Variants in CELF2 observed in about 807,000 individuals in gnomAD.
CELF2 encodes CUGBP Elav-like family member 2, also known as CUG triplet repeat RNA-binding protein 2.
A neutral mutation model predicts 62.6 loss-of-function variants in CELF2; 8 were observed. That is an observed-to-expected ratio of 0.13 (90% CI 0.07 to 0.23). The LOEUF is 0.23. CELF2 is among the 10% of genes least tolerant of loss of function. The pLI is 1.00. For synonymous variants in CELF2, 258 were observed against 250.0 expected (o/e 1.03, Z -0.30); for missense variants, 333 against 671.0 (o/e 0.50, Z 5.56).
the CELF2 span, among the ~76,000 whole-genome samples, chr10:10,473,508 T>C: frequency 6.6e-6 from 1 of 152,056 alleles, no homozygotes; most frequent in African/African-American, 2.4e-5. Context: ...TATTGTTACA[T>C]ATACCCTTAG....
intron 2 of CELF2, among the ~76,000 whole-genome samples, chr10:11,194,639 C>G (rs1169261796): frequency 1.3e-5 from 2 of 152,140 alleles, no homozygotes; most frequent in Non-Finnish European, 2.9e-5. Context: ...TAGCCCTCCC[C>G]ATTTTGGTTA....
At chr10:10,639,666 A>G in the CELF2 span, among the ~76,000 whole-genome samples, 1 of 152,238 alleles carries the variant, frequency 6.6e-6, no homozygotes, top group Non-Finnish European at 1.5e-5. Flanking sequence ...TCCCTGATCA[A>G]TATCTAATAA....
chr10:10,812,906 G>A (rs1176318451), intron 1 of CELF2, among the ~76,000 whole-genome samples: 1 of 152,140 alleles, frequency 6.6e-6, no homozygotes, highest in Non-Finnish European at 1.5e-5. Context: ...GTGTTTGGAT[G>A]GAAACCCACA....
intron 1 of CELF2, among the ~76,000 whole-genome samples, chr10:10,867,645 C>T (rs1416919880): frequency 6.6e-6 from 1 of 152,186 alleles, no homozygotes; most frequent in Non-Finnish European, 1.5e-5. Context: ...GCCATGCCTT[C>T]AACTCCTGCC....
the CELF2 span, among the ~76,000 whole-genome samples, chr10:10,546,961 G>T: frequency 6.6e-6 from 1 of 151,986 alleles, no homozygotes; most frequent in Non-Finnish European, 1.5e-5. Flanking sequence ...ACAAAAATTA[G>T]CTGGGCATGG....
the CELF2 span, among the ~76,000 whole-genome samples, chr10:10,772,127 A>G: frequency 1.3e-5 from 2 of 152,206 alleles, no homozygotes; most frequent in Non-Finnish European, 2.9e-5. Flanking sequence ...GGTAGATTGT[A>G]AAATGTACCT....
intron 2 of CELF2, among the ~76,000 whole-genome samples, chr10:10,973,934 C>G (rs1170081506): frequency 6.6e-6 from 1 of 152,142 alleles, no homozygotes. Context: ...GTTTTACTTT[C>G]CAACTCCATT....
intron 1 of CELF2, among the ~76,000 whole-genome samples, chr10:11,082,012 T>C (rs1400275135): frequency 6.6e-6 from 1 of 152,216 alleles, no homozygotes; most frequent in Non-Finnish European, 1.5e-5. Flanking sequence ...CAGATTTGCC[T>C]GTCACTTTGG....
chr10:10,872,674 C>CA (rs149462583), intron 1 of CELF2, among the ~76,000 whole-genome samples: 8,178 of 151,410 alleles, frequency 0.054, 254 homozygotes, highest in African/African-American at 0.093. Context: ...ACAACAACAA[C>CA]AAAAAACTGC....
chr10:11,053,969 T>C (rs1008046143), intron 1 of CELF2, among the ~76,000 whole-genome samples: 2 of 152,150 alleles, frequency 1.3e-5, no homozygotes, highest in African/African-American at 4.8e-5. Flanking sequence ...ATTAATGATA[T>C]TATTACCAAT....
the CELF2 span, among the ~76,000 whole-genome samples, chr10:10,695,134 G>C: frequency 6.7e-6 from 1 of 149,664 alleles, no homozygotes. Flanking sequence ...TGATTTTGCA[G>C]CGGCTGGTAC....
intron 2 of CELF2, chr10:10,946,897 C>G (rs1055171089): frequency 6.6e-6 from 1 of 152,216 alleles, no homozygotes; most frequent in Non-Finnish European, 1.5e-5. Context: ...ATGTCTGTTT[C>G]CATTTTAACA....
intron 4 of CELF2, among the ~76,000 whole-genome samples, chr10:11,252,728 C>T (rs776322410): frequency 8.5e-5 from 13 of 152,160 alleles, no homozygotes; most frequent in Non-Finnish European, 1.3e-4. Context: ...CTCGCGGCAT[C>T]GTGTTTTCCA....
At chr10:10,996,780 C>T (rs1167019418) in intron 2 of CELF2, among the ~76,000 whole-genome samples, 5 of 151,734 alleles carry the variant, frequency 3.3e-5, no homozygotes, top group African/African-American at 9.7e-5. Flanking sequence ...TTTTTGTTGC[C>T]CTCAACTTTT....
intron 1 of CELF2, among the ~76,000 whole-genome samples, chr10:11,052,466 C>G (rs1264891027): frequency 2.0e-5 from 3 of 152,154 alleles, no homozygotes; most frequent in Non-Finnish European, 2.9e-5. Flanking sequence ...GATGCTGATG[C>G]TTGTTTCCTT....
At chr10:11,016,603 T>A (rs2057294669), upstream of CELF2, among the ~76,000 whole-genome samples, 1 of 152,236 alleles carries the variant, frequency 6.6e-6, no homozygotes, top group Non-Finnish European at 1.5e-5. This position sits in a 1 kb window ranked among gnomAD's most constrained non-coding sequence, Gnocchi z 5.2. Context: ...TGAGAAATAA[T>A]TAAAATCATA....
chr10:11,252,207 C>G (rs373468345), intron 4 of CELF2, among the ~76,000 whole-genome samples: 2 of 152,164 alleles, frequency 1.3e-5, no homozygotes, highest in African/African-American at 4.8e-5. Flanking sequence ...AGCCACAAGC[C>G]TTTTCTAATT....
At chr10:11,127,356 G>A (rs1238112418) in intron 1 of CELF2, among the ~76,000 whole-genome samples, 4 of 152,144 alleles carry the variant, frequency 2.6e-5, no homozygotes, top group Non-Finnish European at 5.9e-5. Flanking sequence ...GTAAACATAC[G>A]TGTGCATGTG....
intron 1 of CELF2, among the ~76,000 whole-genome samples, chr10:11,116,709 A>G (rs191697076): frequency 6.6e-6 from 1 of 152,350 alleles, no homozygotes; most frequent in African/African-American, 2.4e-5. Flanking sequence ...CCTTTTGATG[A>G]CATGGCCAAG....
Sources: gnomAD v4.1 joint callset for allele counts (sites outside exome capture counted in the v4.1 genomes callset) on GRCh38, gnomAD v4.1.1 for gene constraint, Gnocchi (gnomAD v3.1) non-coding constraint, MANE v1.5 for transcripts, NCBI Gene and HGNC (gene_info 2026-07-23, HGNC 2026-07-21) for gene names.